The following CENPF variants were observed in gnomAD, a reference collection of about 807,000 sequenced individuals.
CENPF encodes AH antigen.
A neutral mutation model predicts 307.3 loss-of-function variants in CENPF; 214 were observed. The ratio of observed to expected loss-of-function variants is 0.70; its 90% CI spans 0.62 to 0.78. CENPF has a LOEUF of 0.78. Ranked by LOEUF, CENPF falls within the 30% of genes least tolerant of loss-of-function variation. The pLI is 0.00. For missense variants in CENPF, 3,401 were observed against 3,483.9 expected, an observed-to-expected ratio of 0.98 and a Z score of 0.60; for synonymous variants, 1,259 against 1,270.6, an observed-to-expected ratio of 0.99 and a Z score of 0.19.
At chr1:214,656,867 C>T in intron 17 of CENPF, 66 bp from the exon 18 acceptor site, 1 of 1,045,248 alleles carries the variant, frequency 9.6e-7, no homozygotes, top group South Asian at 1.6e-5. Flanking sequence ...TTATCTGCTT[C>T]ACGATGCCCA....
intron 3 of CENPF, among the ~76,000 whole-genome samples, chr1:214,616,827 CTTCCTTCCTCTTTCTTTCTTTCT>C (rs1657350963): frequency 1.5e-4 from 22 of 144,384 alleles, no homozygotes; most frequent in African/African-American, 5.2e-4. Context: ...TCCTTCTTTC[CTTCCTTCCTCTTTCTTTCTTTCT>C]TTCTTTCTTT....
In CENPF at chr1:214,653,155, A is replaced by G. The variant is rs953238817; in HGVS notation, c.8322+166A>G. On this transcript the variant is annotated intron_variant, in intron 16 of 19. Transcript: ENST00000366955. ...TGCTGAGTTATCTTTAAAAAAAATC[A>G]GTGGGTCATCTACAGTCTCATAGCT... The G allele has an allele frequency of 1.5e-5, 10 of 677,744 alleles. No homozygotes were observed. The Admixed American group carries it at 1.7e-4, about 11-fold the overall frequency. The allele number at this position is 677,744 out of a possible 1,614,324, so 42.0% of individuals were successfully genotyped here.
intron 7 of CENPF, among the ~76,000 whole-genome samples, chr1:214,624,023 C>G (rs930477270): frequency 7.0e-6 from 1 of 143,224 alleles, no homozygotes; most frequent in Non-Finnish European, 1.6e-5. Context: ...TTAAGATAAT[C>G]GTAGATTCAT....
At position 214,646,900 on chromosome 1, in the gene CENPF, C is replaced by A; in HGVS notation, c.7330C>A (p.Gln2444Lys). 1 of 1,614,002 alleles carries A rather than the reference C, an allele frequency of 6.2e-7. No individual in the cohort carries two copies. The highest frequency in any genetic ancestry group is 8.5e-7 in the Non-Finnish European group (1 of 1,179,960). Residue 2444 changes from glutamine to lysine, a missense_variant, in exon 13 of 20, where the codon CAA (glutamine) becomes AAA (lysine). By Grantham distance (53) the Gln-to-Lys change is moderately conservative. Coordinates refer to ENST00000366955, the MANE Select transcript of CENPF (RefSeq NM_016343.4). ...EKSSTAMEMLQTQLKELNERV... is the reference protein window; with the variant it reads ...EKSSTAMEMLKTQLKELNERV... The stretch of plus-strand genomic sequence containing the variant: ...ATCAAGCACTGCCATGGAGATGCTT[C>A]AAACACAATTAAAAGAGCTCAATGA...
rs1558186964 is a variant in CENPF, at chr1:214,646,460, A to G, written c.6890A>G (p.His2297Arg). The change falls in exon 13 of 20, where the codon CAT becomes CGT. Residue 2297 changes from histidine to arginine, a missense_variant. Coordinates refer to ENST00000366955, the MANE Select transcript of CENPF (RefSeq NM_016343.4). ...QSLDPPIEEE[H>R]QLRNSIEKLR... The stretch of plus-strand genomic sequence containing the variant: ...CTAGACCCACCAATAGAGGAAGAGC[A>G]TCAGCTGAGAAATAGCATTGAAAAG... 1 of 1,614,138 alleles carries G rather than the reference A, an allele frequency of 6.2e-7. No individual in the cohort carries two copies. Among genetic ancestry groups the G allele is most frequent in the Non-Finnish European group, 8.5e-7 (1 of 1,180,008 alleles).
intron 1 of CENPF, chr1:214,608,164 G>T: frequency 1.2e-6 from 1 of 824,748 alleles, no homozygotes; most frequent in Non-Finnish European, 1.9e-6. Flanking sequence ...ACCCAAGCTC[G>T]CCTGTCCGGC....
intron 14 of CENPF, among the ~76,000 whole-genome samples, chr1:214,650,367 A>G (rs1205431245): frequency 6.6e-6 from 1 of 151,454 alleles, no homozygotes; most frequent in Non-Finnish European, 1.5e-5. Context: ...GGGGGTGGGA[A>G]AGGTTTGGGG....
At chr1:214,643,413 A>C in intron 12 of CENPF, 89 bp downstream of exon 12, 1 of 1,162,328 alleles carries the variant, frequency 8.6e-7, no homozygotes, top group Non-Finnish European at 1.1e-6. Context: ...TGTACATTAA[A>C]CCTAAGTTAA....
rs1450174226 is a variant in CENPF at position 214,641,234 on chromosome 1, A to G, written c.2896A>G (p.Lys966Glu). The G allele has an allele frequency of 1.2e-6, 2 of 1,603,080 alleles. No individual in the cohort carries two copies. Among genetic ancestry groups the G allele is most frequent in the South Asian group, 1.1e-5 (1 of 88,164 alleles). ...KEMSSIISLN[K>E]REIEELTQEN... ...AATGAGTTCCATCATTTCTCTAAAT[A>G]AAAGGGAAATTGAAGAGCTGACCCA... Residue 966 changes from lysine to glutamate, a missense_variant, in exon 12 of 20, where the codon AAA (lysine) becomes GAA (glutamate). Coordinates refer to ENST00000366955, the MANE Select transcript of CENPF (RefSeq NM_016343.4).
At position 214,647,162 on chromosome 1, in the gene CENPF, T is replaced by C. The variant is rs776398403; in HGVS notation, c.7592T>C (p.Ile2531Thr). 3 of 1,613,914 alleles carry C rather than the reference T, an allele frequency of 1.9e-6. No homozygotes were observed. The highest frequency in any genetic ancestry group is 2.2e-5 in the South Asian group (2 of 91,076). Residue 2531 changes from isoleucine (I) to threonine (T), a missense_variant, in exon 13 of 20, where the codon ATT becomes ACT. Physicochemically the swap from Ile to Thr is moderately conservative, Grantham distance 89. Coordinates refer to ENST00000366955, the MANE Select transcript of CENPF (RefSeq NM_016343.4). ...GAAATCAGTAGACTGAAAAATCAAA[T>C]TCAAGACCAAGAGCAGCTTGTCTCT... Reference protein sequence around the residue: ...DEEISRLKNQIQDQEQLVSKL... With the variant: ...DEEISRLKNQTQDQEQLVSKL...
chr1:214,631,660 T>G (rs1657812874), intron 9 of CENPF, among the ~76,000 whole-genome samples: 1 of 152,078 alleles, frequency 6.6e-6, no homozygotes, highest in Non-Finnish European at 1.5e-5. Flanking sequence ...CCACCACGCC[T>G]GGCTGATTTT....
rs768591438 is a variant in CENPF at position 214,642,909 on chromosome 1, A to C, written c.4571A>C (p.Asp1524Ala). 2 of 1,613,958 alleles carry C rather than the reference A, an allele frequency of 1.2e-6. No homozygotes were observed. The highest frequency in any genetic ancestry group is 1.7e-6 in the Non-Finnish European group (2 of 1,180,004). The part of the protein sequence containing the change: ...GAVSANQCSV[D>A]EVFCSSLQEE... The stretch of plus-strand genomic sequence containing the variant: ...GTTTCAGCAAACCAGTGCAGTGTAG[A>C]TGAAGTATTTTGCAGCAGTCTGCAG... The change falls in exon 12 of 20, where the codon GAT becomes GCT. Residue 1524 changes from aspartate to alanine, a missense_variant. Transcript: ENST00000366955.
In CENPF at chr1:214,652,222, T is replaced by A. The variant is rs368567150; in HGVS notation, c.8160+336T>A. 4.2e-3 allele frequency among the ~76,000 whole-genome samples: 630 copies of A among 148,402 alleles called. 2 individuals are homozygous for A. The highest frequency in any genetic ancestry group is 0.012 in the African/African-American group (500 of 40,316). ...GGCTAATTTTTTGTATTTTTAGTAG[T>A]GATGGGGTTTCACTGTGTTAGCCAG... On this transcript the variant is annotated intron_variant, in intron 15 of 19. Coordinates refer to ENST00000366955, the MANE Select transcript of CENPF (RefSeq NM_016343.4).
intron 18 of CENPF, among the ~76,000 whole-genome samples, chr1:214,658,408 G>C (rs1220391272): frequency 1.3e-5 from 2 of 151,842 alleles, no homozygotes; most frequent in African/African-American, 4.8e-5. Context: ...CTGGCCTGAA[G>C]TAGCTGTTAC....
chr1:214,605,009 G>T (rs1356153399), intron 1 of CENPF, among the ~76,000 whole-genome samples: 1 of 151,516 alleles, frequency 6.6e-6, no homozygotes, highest in East Asian at 1.9e-4. Context: ...TGATAAAATC[G>T]ATTGAAAAAA....
In CENPF at chr1:214,614,864, G is replaced by C; in HGVS notation, c.195G>C (p.Leu65=). 1 of 1,603,086 alleles carries C rather than the reference G, an allele frequency of 6.2e-7. No homozygotes were observed. Among genetic ancestry groups the C allele is most frequent in the Non-Finnish European group, 8.5e-7 (1 of 1,176,388 alleles). Residue 65 remains leucine (L), a synonymous_variant, in exon 3 of 20, where the codon CTG becomes CTC. Coordinates refer to ENST00000366955, the MANE Select transcript of CENPF (RefSeq NM_016343.4). ...VENEKTEGTN[L]KRENQRLMEI... ...ATGAAAAAACCGAGGGTACAAACCTGAAAAGGGAGAATCAAAGATTGATGG... is the reference window on the plus strand; with the variant it reads ...ATGAAAAAACCGAGGGTACAAACCTCAAAAGGGAGAATCAAAGATTGATGG...
chr1:214,663,976 G>A lies in CENPF; in HGVS notation c.*182G>A, dbSNP rs2102428003. The A allele has an allele frequency of 1.2e-5, 7 of 580,792 alleles. No homozygotes were observed. The South Asian group carries it at 1.6e-4, about 13-fold the overall frequency. 36.0% of individuals were successfully genotyped at this position (580,792 alleles called of 1,614,324 possible). ...GTGTAGGTATTGAAAAAGTTTGGAAGCACTGATCACCTGTTAGCATTGCCA... is the reference window on the plus strand; with the variant it reads ...GTGTAGGTATTGAAAAAGTTTGGAAACACTGATCACCTGTTAGCATTGCCA... On this transcript the variant is annotated 3_prime_UTR_variant, in exon 20 of 20. Coordinates refer to ENST00000366955, the MANE Select transcript of CENPF (RefSeq NM_016343.4).
intron 7 of CENPF, among the ~76,000 whole-genome samples, chr1:214,626,086 A>G (rs1657648463): frequency 6.6e-6 from 1 of 151,810 alleles, no homozygotes; most frequent in Admixed American, 6.6e-5. Context: ...AGTTTCCTTT[A>G]TTTCCTTTCT....
In CENPF at chr1:214,641,167, G is replaced by C; in HGVS notation, c.2829G>C (p.Glu943Asp). ...ATCTACTTGAAGACTCTCTAAAGGA[G>C]CTACAACTTTTATCCGAAACCCTAA... ...SNHLLEDSLK[E>D]LQLLSETLSL... The change falls in exon 12 of 20, where the codon GAG becomes GAC. Residue 943 changes from glutamate (E) to aspartate (D), a missense_variant. Transcript: ENST00000366955. 1 of 1,603,690 alleles carries C rather than the reference G, an allele frequency of 6.2e-7. No homozygotes were observed. Among genetic ancestry groups the C allele is most frequent in the Non-Finnish European group, 8.5e-7 (1 of 1,177,350 alleles).
Sources: allele counts gnomAD v4.1 joint callset (sites outside exome capture counted in the v4.1 genomes callset), GRCh38; gene constraint gnomAD v4.1.1; transcripts MANE v1.5; gene names NCBI Gene and HGNC (gene_info 2026-07-23, HGNC 2026-07-21).